Variants in RNF115 observed in about 807,000 individuals in gnomAD.
RNF115 encodes ring finger protein 115.
Under a neutral mutation model 39.2 loss-of-function variants are expected in RNF115, and 31 were observed. The observed-to-expected ratio is 0.79, with a 90% confidence interval of 0.59 to 1.07. The LOEUF is 1.07. RNF115 is among the 50% of genes least tolerant of loss of function. RNF115 has a pLI of 0.00. For synonymous variants in RNF115, 124 were observed against 131.0 expected (o/e 0.95, Z 0.37); for missense variants, 384 against 381.7 (o/e 1.01, Z -0.05).
At chr1:145,774,300 A>AT (rs35937477) in intron 3 of RNF115, among the ~76,000 whole-genome samples, 12,814 of 139,104 alleles carry the variant, frequency 0.092, 915 homozygotes, top group East Asian at 0.36. Context: ...TTCCCCCAAC[A>AT]TTTTTTTTTT....
chr1:145,763,452 C>T (rs1658610450), intron 4 of RNF115, among the ~76,000 whole-genome samples: 1 of 152,196 alleles, frequency 6.6e-6, no homozygotes, highest in African/African-American at 2.4e-5. Context: ...AATCCCAACA[C>T]CTTGGGAGGC....
intron 3 of RNF115, among the ~76,000 whole-genome samples, chr1:145,782,750 T>C (rs1461183561): frequency 6.6e-6 from 1 of 152,260 alleles, no homozygotes; most frequent in Non-Finnish European, 1.5e-5. Flanking sequence ...TTTCTTCTTC[T>C]GCATATGCCT....
rs1349224662 is a variant in RNF115, at chr1:145,744,656, GAA to G, written c.*2208_*2209del. The G allele has an allele frequency of 6.6e-6, 1 of 152,160 alleles. No individual in the cohort carries two copies. Among genetic ancestry groups the G allele is most frequent in the African/African-American group, 2.4e-5 (1 of 41,414 alleles). 9.4% of individuals were successfully genotyped at this position (152,160 alleles called of 1,614,324 possible). A position where few individuals can be genotyped will look rare whatever the true frequency, so the allele number is the denominator to read the frequency against. On this transcript the variant is annotated 3_prime_UTR_variant, in exon 9 of 9. Transcript: ENST00000582693. ...CGTATGATAGTCAACAAAAACTGAG[GAA>G]AGACTTCTAGCCAAGAAAAAGACCC...
At chr1:145,781,740 A>G (rs1261603727) in intron 3 of RNF115, among the ~76,000 whole-genome samples, 1 of 152,170 alleles carries the variant, frequency 6.6e-6, no homozygotes, top group African/African-American at 2.4e-5. Flanking sequence ...AATAAGTGGC[A>G]GACACAGGAT....
At chr1:145,766,015 T>C (rs74948604) in intron 4 of RNF115, among the ~76,000 whole-genome samples, 1 of 152,096 alleles carries the variant, frequency 6.6e-6, no homozygotes, top group Non-Finnish European at 1.5e-5. Flanking sequence ...TTTTTTTTTT[T>C]TAATTGATCA....
intron 4 of RNF115, among the ~76,000 whole-genome samples, chr1:145,762,309 T>C (rs1553713960): frequency 6.6e-6 from 1 of 152,200 alleles, no homozygotes; most frequent in Admixed American, 6.5e-5. Context: ...AATGACATGG[T>C]TTGGCTGCTG....
intron 4 of RNF115, among the ~76,000 whole-genome samples, chr1:145,757,024 C>G (rs587748429): frequency 2.0e-5 from 3 of 151,754 alleles, no homozygotes; most frequent in African/African-American, 7.2e-5. Flanking sequence ...TTAGTAGACA[C>G]GGGGTTTTAC....
intron 3 of RNF115, 118 bp from the exon 4 acceptor site, chr1:145,772,037 G>T: frequency 1.3e-6 from 1 of 789,802 alleles, no homozygotes; most frequent in Non-Finnish European, 2.0e-6. Context: ...GTCTTCTTCT[G>T]CAGAGGTACC....
chr1:145,757,055 C>T (rs1053342329), intron 4 of RNF115, among the ~76,000 whole-genome samples: 17 of 151,976 alleles, frequency 1.1e-4, no homozygotes, highest in Non-Finnish European at 4.4e-5. Context: ...AGGCTGGTCT[C>T]GAACTTCTGA....
At chr1:145,811,343 C>A (rs1163228310) in intron 1 of RNF115, among the ~76,000 whole-genome samples, 5 of 138,912 alleles carry the variant, frequency 3.6e-5, no homozygotes, top group Non-Finnish European at 7.8e-5. Flanking sequence ...CTAAGTGAGA[C>A]CCCATCACTA....
intron 1 of RNF115, among the ~76,000 whole-genome samples, chr1:145,794,056 C>G (rs1416911305): frequency 6.6e-6 from 1 of 152,066 alleles, no homozygotes; most frequent in Non-Finnish European, 1.5e-5. Context: ...GATGGCCAGG[C>G]TGGTCTCGAA....
At chr1:145,767,985 G>C (rs1234983509) in intron 4 of RNF115, among the ~76,000 whole-genome samples, 4 of 152,134 alleles carry the variant, frequency 2.6e-5, no homozygotes, top group Non-Finnish European at 5.9e-5. Flanking sequence ...GAGGGAGAGG[G>C]AGACCGTGGG....
chr1:145,767,045 A>G (rs1647346148), intron 4 of RNF115, among the ~76,000 whole-genome samples: 1 of 134,352 alleles, frequency 7.4e-6, no homozygotes, highest in African/African-American at 3.1e-5. Flanking sequence ...CACCTCCCGG[A>G]CGGGGCGGCT....
chr1:145,808,777 G>A (rs1649568593), intron 1 of RNF115, among the ~76,000 whole-genome samples: 2 of 152,120 alleles, frequency 1.3e-5, no homozygotes, highest in Non-Finnish European at 2.9e-5. Flanking sequence ...GCTAATACCT[G>A]TAAACATTTA....
At chr1:145,765,830 C>G (rs1257201948) in intron 4 of RNF115, among the ~76,000 whole-genome samples, 2 of 152,038 alleles carry the variant, frequency 1.3e-5, no homozygotes, top group Non-Finnish European at 2.9e-5. Flanking sequence ...TGTGAGAGTT[C>G]CCTGTCTCTG....
chr1:145,751,555 C>T, intron 5 of RNF115, 45 bp from the exon 6 acceptor site: 1 of 1,421,118 alleles, frequency 7.0e-7, no homozygotes. Flanking sequence ...AGTGACCAGG[C>T]TCTGCCTTAC....
chr1:145,752,755 T>C (rs1658140975), intron 5 of RNF115, among the ~76,000 whole-genome samples: 1 of 151,800 alleles, frequency 6.6e-6, no homozygotes, highest in African/African-American at 2.4e-5. Flanking sequence ...GCCTGGCTAA[T>C]TTTTTATATT....
chr1:145,792,232 T>C (rs1290368793), intron 1 of RNF115, among the ~76,000 whole-genome samples: 1 of 152,228 alleles, frequency 6.6e-6, no homozygotes, highest in Non-Finnish European at 1.5e-5. Flanking sequence ...TATTTTCTTA[T>C]GCCATATAGT....
intron 4 of RNF115, among the ~76,000 whole-genome samples, chr1:145,755,182 C>A (rs1028712945): frequency 6.6e-6 from 1 of 150,832 alleles, no homozygotes; most frequent in Non-Finnish European, 1.5e-5. Flanking sequence ...GAGGAGGTTG[C>A]AGTGAGCCAA....
Sources: allele counts gnomAD v4.1 joint callset (sites outside exome capture counted in the v4.1 genomes callset), GRCh38; gene constraint gnomAD v4.1.1; transcripts MANE v1.5; gene names NCBI Gene and HGNC (gene_info 2026-07-23, HGNC 2026-07-21).